Variants in PDE2A observed in about 807,000 individuals in gnomAD.
PDE2A encodes the protein cGMP-dependent 3',5'-cyclic phosphodiesterase.
Under a neutral mutation model 133.6 loss-of-function variants are expected in PDE2A, and 53 were observed. The observed-to-expected ratio is 0.40, with a 90% CI of 0.32 to 0.50. The LOEUF is 0.50. Among genes scored for constraint, PDE2A ranks in the 20% least tolerant of loss-of-function variants. PDE2A has a pLI of 0.73. For synonymous variants in PDE2A, 491 were observed against 490.2 expected (o/e 1.00, Z -0.02); for missense variants, 796 against 1,232.4 (o/e 0.65, Z 5.30).
rs1342935230 is a variant in PDE2A, at chr11:72,583,517, T to C, written c.1651-2A>G. Reference sequence around the variant, plus strand: ...ATTCACTTTTTTGTATAGGAGAGACTAGGGGAAAGAGGGAAAGATGGGGCT... The same window carrying C: ...ATTCACTTTTTTGTATAGGAGAGACCAGGGGAAAGAGGGAAAGATGGGGCT... On this transcript the variant is annotated splice_acceptor_variant, in intron 19 of 30. Transcript: ENST00000334456. LOFTEE classifies it high-confidence loss of function. The C allele has an allele frequency of 6.2e-7, 1 of 1,601,134 alleles. No homozygotes were observed. Among genetic ancestry groups the C allele is most frequent in the Admixed American group, 1.7e-5 (1 of 60,004 alleles).
intron 2 of PDE2A, among the ~76,000 whole-genome samples, chr11:72,613,417 C>T (rs1857307915): frequency 6.6e-6 from 1 of 151,908 alleles, no homozygotes; most frequent in Non-Finnish European, 1.5e-5. Flanking sequence ...AAGGGTCCTT[C>T]TAGATCCCCC....
At chr11:72,581,293 G>A (rs902169987) in intron 23 of PDE2A, 64 bp downstream of exon 23, 4 of 1,413,620 alleles carry the variant, frequency 2.8e-6, no homozygotes, top group Non-Finnish European at 3.8e-6. Context: ...CACAGGGGGT[G>A]CTTCCCTGTC....
intron 30 of PDE2A, 103 bp from the exon 31 acceptor site, chr11:72,577,697 G>A: frequency 5.0e-6 from 4 of 803,908 alleles, no homozygotes; most frequent in East Asian, 2.6e-5. Flanking sequence ...CAAGGGCCAG[G>A]TACGGTAGCT....
chr11:72,640,690 A>G (rs1188459204), intron 2 of PDE2A, among the ~76,000 whole-genome samples: 9 of 152,188 alleles, frequency 5.9e-5, no homozygotes, highest in African/African-American at 2.2e-4. Context: ...CCCAGTGGAA[A>G]CCATCAGGCC....
At position 72,579,613 on chromosome 11, in the gene PDE2A, G is replaced by T. The variant is rs777237218; in HGVS notation, c.2182-5C>A. On this transcript the variant is annotated splice_polypyrimidine_tract_variant and splice_region_variant and intron_variant, in intron 25 of 30. Transcript: ENST00000334456. ...GGCCTGAGCAAAGTGGTGCCTCTGGGGGGAGAGGAGTGATGGGGGCCCAGC... is the reference window on the plus strand; with the variant it reads ...GGCCTGAGCAAAGTGGTGCCTCTGGTGGGAGAGGAGTGATGGGGGCCCAGC... 1.4e-5 allele frequency: 22 copies of T among 1,609,060 alleles called. No individual in the cohort carries two copies. Among genetic ancestry groups the T allele is most frequent in the Non-Finnish European group, 1.9e-5 (22 of 1,177,032 alleles).
intron 2 of PDE2A, among the ~76,000 whole-genome samples, chr11:72,623,162 G>A (rs1419182465): frequency 6.6e-6 from 1 of 152,030 alleles, no homozygotes; most frequent in African/African-American, 2.4e-5. Context: ...CTGACTTCTG[G>A]CTCCAGCCCA....
intron 2 of PDE2A, chr11:72,636,222 C>T: frequency 1.2e-6 from 1 of 859,184 alleles, no homozygotes; most frequent in Non-Finnish European, 1.4e-6. Context: ...ACATCAGAGG[C>T]AGCAGCTTCA....
rs182649209 is a variant in PDE2A at position 72,658,364 on chromosome 11, G to T, written c.71+15773C>A. The stretch of plus-strand genomic sequence containing the variant: ...CTCATCCAAGCAGGCTGGAGCTGTG[G>T]TTCTGATCCCTCCCAGGACTTTCCC... On this transcript the variant is annotated intron_variant, in intron 1 of 30. Coordinates refer to ENST00000334456, the MANE Select transcript of PDE2A (RefSeq NM_002599.5). 7.2e-5 allele frequency among the ~76,000 whole-genome samples: 11 copies of T among 152,216 alleles called. No individual in the cohort carries two copies. The East Asian group carries it at 2.1e-3, about 29-fold the overall frequency.
At chr11:72,633,924 C>T (rs969252907) in intron 2 of PDE2A, among the ~76,000 whole-genome samples, 6 of 152,192 alleles carry the variant, frequency 3.9e-5, no homozygotes, top group Non-Finnish European at 8.8e-5. Flanking sequence ...CATGACCCAG[C>T]GCTGAAGGGA....
intron 2 of PDE2A, among the ~76,000 whole-genome samples, chr11:72,625,014 AG>A (rs1262522962): frequency 1.3e-5 from 2 of 152,222 alleles, no homozygotes; most frequent in Non-Finnish European, 2.9e-5. Flanking sequence ...CACAGTCGCC[AG>A]GGCTGTTGCC....
intron 1 of PDE2A, among the ~76,000 whole-genome samples, chr11:72,662,581 G>A (rs1591142029): frequency 6.6e-6 from 1 of 152,190 alleles, no homozygotes. Context: ...GTGCTCCAGA[G>A]AGTGAAAGCC....
intron 13 of PDE2A, 108 bp from the exon 14 acceptor site, chr11:72,586,289 C>A: frequency 1.4e-6 from 1 of 710,010 alleles, no homozygotes; most frequent in South Asian, 1.6e-5. Context: ...CACCTGCCAA[C>A]TATATAACCA....
Position 72,662,909 on chromosome 11 carries a change from C to G in PDE2A, c.71+11228G>C, listed in dbSNP as rs1229422002. On this transcript the variant is annotated intron_variant, in intron 1 of 30. Coordinates refer to ENST00000334456, the MANE Select transcript of PDE2A (RefSeq NM_002599.5). ...TGTGAGCTGGGCCTTCACTCCCTTC[C>G]TCTCCACCGCCAGGCCCTTCCTCCA... Among the ~76,000 whole-genome samples the G allele has an allele frequency of 3.3e-5, 5 of 152,262 alleles. No homozygotes were observed. The South Asian group carries it at 1.0e-3, about 32-fold the overall frequency.
At chr11:72,616,317 T>C (rs1349008155) in intron 2 of PDE2A, among the ~76,000 whole-genome samples, 1 of 152,210 alleles carries the variant, frequency 6.6e-6, no homozygotes, top group Non-Finnish European at 1.5e-5. Flanking sequence ...GGGCTCCCAC[T>C]GCCCCCCTTT....
chr11:72,612,753 A>T (rs886930276), intron 2 of PDE2A, among the ~76,000 whole-genome samples: 1 of 151,806 alleles, frequency 6.6e-6, no homozygotes, highest in African/African-American at 2.4e-5. Flanking sequence ...GGATAGATGG[A>T]GCCTTTCTGC....
intron 2 of PDE2A, among the ~76,000 whole-genome samples, chr11:72,612,122 A>G (rs1296578886): frequency 6.6e-6 from 1 of 152,146 alleles, no homozygotes; most frequent in African/African-American, 2.4e-5. Flanking sequence ...TCACATGCCC[A>G]TCTACACATG....
chr11:72,639,442 A>G (rs957677161), intron 2 of PDE2A, among the ~76,000 whole-genome samples: 1 of 152,162 alleles, frequency 6.6e-6, no homozygotes, highest in African/African-American at 2.4e-5. Context: ...GCGCTGGGCC[A>G]CTATGGACTA....
chr11:72,580,998 A>G (rs867654582), intron 23 of PDE2A, 25 bp from the exon 24 acceptor site: 1 of 1,518,586 alleles, frequency 6.6e-7, no homozygotes, highest in Admixed American at 1.7e-5. Context: ...GAAAGGAGAA[A>G]AAAAAGAGGT....
intron 1 of PDE2A, among the ~76,000 whole-genome samples, chr11:72,656,036 A>T (rs1854889855): frequency 6.6e-6 from 1 of 152,162 alleles, no homozygotes; most frequent in Admixed American, 6.5e-5. Flanking sequence ...ACTGGTGATT[A>T]GGAGGCTCAC....
Sources: allele counts gnomAD v4.1 joint callset (sites outside exome capture counted in the v4.1 genomes callset), GRCh38; gene constraint gnomAD v4.1.1; transcripts MANE v1.5; gene names NCBI Gene and HGNC (gene_info 2026-07-23, HGNC 2026-07-21).